Variants in TNRC6B observed in about 807,000 individuals in gnomAD.
The protein encoded by TNRC6B is trinucleotide repeat-containing gene 6B protein.
TNRC6B carries 52 observed loss-of-function variants against 203.6 expected under a neutral mutation model. That is an observed-to-expected ratio of 0.26 (90% CI 0.20 to 0.32). The LOEUF is 0.32. Ranked by LOEUF, TNRC6B falls within the 10% of genes least tolerant of loss-of-function variation. TNRC6B has a pLI of 1.00. For synonymous variants in TNRC6B, 838 were observed against 845.7 expected (o/e 0.99, Z 0.16); for missense variants, 1,923 against 2,286.2 (o/e 0.84, Z 3.24).
At chr22:40,308,453 C>A in intron 15 of TNRC6B, 59 bp from the exon 16 acceptor site, 1 of 1,604,284 alleles carries the variant, frequency 6.2e-7, no homozygotes, top group South Asian at 1.1e-5. Context: ...CTGGACTCTG[C>A]TTCAGAACTC....
At chr22:40,128,572 G>GGCTCACA (rs199537024) in intron 3 of TNRC6B, among the ~76,000 whole-genome samples, 10,842 of 146,550 alleles carry the variant, frequency 0.074, 813 homozygotes, top group African/African-American at 0.21. Context: ...CACGGCTCAC[G>GGCTCACA]GCTCACAGCT....
At chr22:40,115,349 AAATT>A (rs2068377981) in intron 1 of TNRC6B, among the ~76,000 whole-genome samples, 1 of 152,230 alleles carries the variant, frequency 6.6e-6, no homozygotes, top group South Asian at 2.1e-4. Context: ...GGTTGACAAA[AAATT>A]AATGAATCCA....
Position 40,143,743 on chromosome 22 carries a change from G to A in TNRC6B, c.46-12372G>A, listed in dbSNP as rs112835067. On this transcript the variant is annotated intron_variant, in intron 3 of 23. Transcript: ENST00000301923. The stretch of plus-strand genomic sequence containing the variant: ...GATCTCCTGACCTCGTGATCCGCCC[G>A]CCTTGGCCACCCAAAGTGTTGGGAT... 6.4e-4 allele frequency among the ~76,000 whole-genome samples: 98 copies of A among 152,244 alleles called. 1 individual carries two copies. The highest frequency in any genetic ancestry group is 1.0e-3 in the Non-Finnish European group (71 of 68,016).
At chr22:40,273,950 A>G (rs1219353155) in intron 7 of TNRC6B, among the ~76,000 whole-genome samples, 1 of 152,108 alleles carries the variant, frequency 6.6e-6, no homozygotes, top group Admixed American at 6.5e-5. Context: ...CCTAGCCAGA[A>G]CTGAGGATTT....
At chr22:40,288,011 G>A (rs1205286894) in intron 12 of TNRC6B, among the ~76,000 whole-genome samples, 1 of 152,232 alleles carries the variant, frequency 6.6e-6, no homozygotes, top group Non-Finnish European at 1.5e-5. Flanking sequence ...TGTGCAAGGG[G>A]CAATAATATC....
At chr22:40,181,806 T>C (rs1411863766) in intron 1 of TNRC6B, among the ~76,000 whole-genome samples, 2 of 151,708 alleles carry the variant, frequency 1.3e-5, no homozygotes, top group Non-Finnish European at 2.9e-5. Context: ...TAGCTGGGCA[T>C]GGTGGCTCAC....
At chr22:40,099,688 G>A (rs1265637179) in intron 1 of TNRC6B, among the ~76,000 whole-genome samples, 5 of 152,324 alleles carry the variant, frequency 3.3e-5, no homozygotes, top group Non-Finnish European at 7.4e-5. Flanking sequence ...AGGAAGATGT[G>A]TACCTAAGGA....
At chr22:40,056,299 A>G (rs1168940785) in intron 1 of TNRC6B, among the ~76,000 whole-genome samples, 1 of 152,254 alleles carries the variant, frequency 6.6e-6, no homozygotes, top group East Asian at 1.9e-4. Flanking sequence ...TTACACTCAC[A>G]AGATGTTAAT....
intron 1 of TNRC6B, among the ~76,000 whole-genome samples, chr22:40,224,722 C>T (rs1172824481): frequency 6.6e-6 from 1 of 152,230 alleles, no homozygotes; most frequent in Non-Finnish European, 1.5e-5. Flanking sequence ...TCTTTCTCTC[C>T]TTTCCCTTCC....
chr22:40,299,300 C>A (rs1241407698), intron 12 of TNRC6B, among the ~76,000 whole-genome samples: 4 of 149,028 alleles, frequency 2.7e-5, no homozygotes, highest in Admixed American at 2.0e-4. Context: ...AGTGCAATGG[C>A]ACCATCTTGG....
chr22:40,278,034 T>G lies in TNRC6B; in HGVS notation c.3252T>G (p.Asp1084Glu), dbSNP rs2070670630. The change falls in exon 9 of 23, where the codon GAT becomes GAG. Residue 1084 changes from aspartate (D) to glutamate (E), a missense_variant. Asp to Glu is a conservative substitution (Grantham distance 45, BLOSUM62 2). Coordinates refer to ENST00000454349, the MANE Select transcript of TNRC6B (RefSeq NM_001162501.2). ...QTEDNPSSKM[D>E]LSVGSLSDKK... The stretch of plus-strand genomic sequence containing the variant: ...AAGATAATCCAAGCAGCAAAATGGA[T>G]TTGTCTGTAGGTGTGTATCACTCCG... 27 of 1,562,598 alleles carry G rather than the reference T, an allele frequency of 1.7e-5. No individual in the cohort carries two copies. Among genetic ancestry groups the G allele is most frequent in the Non-Finnish European group, 2.3e-5 (26 of 1,151,246 alleles).
chr22:40,250,173 A>G (rs1289117840), intron 2 of TNRC6B, among the ~76,000 whole-genome samples: 1 of 152,274 alleles, frequency 6.6e-6, no homozygotes, highest in Non-Finnish European at 1.5e-5. Flanking sequence ...AACAGTTGGG[A>G]AAATGGGTCA....
At chr22:40,300,739 G>A (rs895807453) in intron 13 of TNRC6B, 153 bp downstream of exon 13, 6 of 1,257,090 alleles carry the variant, frequency 4.8e-6, no homozygotes, top group African/African-American at 1.5e-5. Flanking sequence ...CTTAAGGGTT[G>A]TCAGCTCAAC....
At chr22:40,173,603 C>T (rs1428632054), upstream of TNRC6B, among the ~76,000 whole-genome samples, 1 of 148,452 alleles carries the variant, frequency 6.7e-6, no homozygotes, top group Non-Finnish European at 1.5e-5. Context: ...TTTGTAGAGG[C>T]GAGATCTCAC....
chr22:40,162,619 A>G (rs187760448), intron 4 of TNRC6B, among the ~76,000 whole-genome samples: 1 of 152,264 alleles, frequency 6.6e-6, no homozygotes, highest in Non-Finnish European at 1.5e-5. Flanking sequence ...TTAACGTTTT[A>G]ATTTTGTGTA....
chr22:40,147,844 T>C (rs554006562), intron 3 of TNRC6B, among the ~76,000 whole-genome samples: 20 of 152,254 alleles, frequency 1.3e-4, no homozygotes, highest in Admixed American at 1.2e-3. Flanking sequence ...AGAAGGTAGA[T>C]TCGTGGTTGT....
At chr22:40,147,069 A>T (rs1439604108) in intron 3 of TNRC6B, among the ~76,000 whole-genome samples, 1 of 152,252 alleles carries the variant, frequency 6.6e-6, no homozygotes, top group Non-Finnish European at 1.5e-5. Context: ...GGGTGAATGG[A>T]TAAACAAAAT....
chr22:40,144,766 TAA>T (rs1224154501), intron 3 of TNRC6B, among the ~76,000 whole-genome samples: 2 of 151,106 alleles, frequency 1.3e-5, no homozygotes, highest in Non-Finnish European at 2.9e-5. Context: ...AATGTAGATA[TAA>T]AAGTGGTACA....
chr22:40,110,279 C>T (rs1201463001), intron 1 of TNRC6B, among the ~76,000 whole-genome samples: 2 of 152,068 alleles, frequency 1.3e-5, no homozygotes, highest in East Asian at 3.8e-4. Context: ...TATTTATTAC[C>T]TCTAATCTGC....
Sources: gnomAD v4.1 joint callset for allele counts (sites outside exome capture counted in the v4.1 genomes callset) on GRCh38, gnomAD v4.1.1 for gene constraint, MANE v1.5 for transcripts, NCBI Gene and HGNC (gene_info 2026-07-23, HGNC 2026-07-21) for gene names.